Variants in NT5DC1 observed in about 807,000 individuals in gnomAD.
NT5DC1 encodes the protein 5'-nucleotidase domain-containing protein 1.
NT5DC1 carries 42 observed loss-of-function variants against 59.4 expected under a neutral mutation model. The observed-to-expected ratio is 0.71, with a 90% CI of 0.55 to 0.92. NT5DC1 has a LOEUF of 0.92. Ranked by LOEUF, NT5DC1 falls within the 40% of genes least tolerant of loss-of-function variation. NT5DC1 has a pLI of 0.00. For missense variants in NT5DC1, 501 were observed against 537.1 expected (o/e 0.93, Z 0.66); for synonymous variants, 172 against 188.1 (o/e 0.91, Z 0.70).
intron 6 of NT5DC1, among the ~76,000 whole-genome samples, chr6:116,168,907 C>T (rs762873798): frequency 2.0e-5 from 3 of 152,084 alleles, no homozygotes; most frequent in Non-Finnish European, 2.9e-5. Context: ...TGCTTCAGGC[C>T]ATTGAGAGCT....
At chr6:116,112,642 T>C (rs1375624216) in intron 4 of NT5DC1, among the ~76,000 whole-genome samples, 1 of 152,246 alleles carries the variant, frequency 6.6e-6, no homozygotes, top group Non-Finnish European at 1.5e-5. Context: ...TATCGTGATA[T>C]ATTTAATCAG....
At chr6:116,174,667 A>C (rs1780691976) in intron 6 of NT5DC1, among the ~76,000 whole-genome samples, 1 of 152,226 alleles carries the variant, frequency 6.6e-6, no homozygotes, top group Non-Finnish European at 1.5e-5. Context: ...TTTTAAAGAC[A>C]TCTTCGATTT....
chr6:116,140,994 T>C (rs937114519), intron 6 of NT5DC1, among the ~76,000 whole-genome samples: 8 of 152,170 alleles, frequency 5.3e-5, no homozygotes, highest in Admixed American at 1.3e-4. Context: ...GTATATTAAC[T>C]ATGTATATTT....
chr6:116,169,944 A>G (rs148617443), intron 6 of NT5DC1, among the ~76,000 whole-genome samples: 1 of 152,324 alleles, frequency 6.6e-6, no homozygotes, highest in African/African-American at 2.4e-5. Context: ...AACAACAGAA[A>G]TAGGGGAGAG....
chr6:116,218,464 C>T (rs938752065), intron 6 of NT5DC1, among the ~76,000 whole-genome samples: 6 of 152,126 alleles, frequency 3.9e-5, no homozygotes, highest in Non-Finnish European at 7.4e-5. Flanking sequence ...AATAATCTCA[C>T]ATCTGACTCC....
At chr6:116,242,968 G>A (rs2114567405) in intron 11 of NT5DC1, among the ~76,000 whole-genome samples, 1 of 152,256 alleles carries the variant, frequency 6.6e-6, no homozygotes, top group East Asian at 1.9e-4. Flanking sequence ...AAAAGCTGAG[G>A]CTTAGTGTTA....
At chr6:116,166,915 G>A (rs1780481848) in intron 6 of NT5DC1, among the ~76,000 whole-genome samples, 1 of 152,100 alleles carries the variant, frequency 6.6e-6, no homozygotes, top group Non-Finnish European at 1.5e-5. Context: ...TTGAGCCAAA[G>A]AATTGAGCCA....
chr6:116,207,452 A>G (rs1344362997), intron 6 of NT5DC1, among the ~76,000 whole-genome samples: 4 of 151,914 alleles, frequency 2.6e-5, no homozygotes, highest in Non-Finnish European at 4.4e-5. Context: ...TAAGTTTATA[A>G]CCTTATTTTT....
At chr6:116,108,159 A>G (rs1778803203) in intron 2 of NT5DC1, among the ~76,000 whole-genome samples, 1 of 152,180 alleles carries the variant, frequency 6.6e-6, no homozygotes, top group Non-Finnish European at 1.5e-5. Flanking sequence ...TTGTTTACCT[A>G]TATAACAATT....
intron 6 of NT5DC1, chr6:116,125,705 A>T (rs1779281551): frequency 4.5e-6 from 2 of 441,702 alleles, no homozygotes; most frequent in Non-Finnish European, 8.1e-6. Flanking sequence ...TGGAAGCTAT[A>T]CTCAGGTAAT....
chr6:116,196,460 A>G (rs1030631661), intron 6 of NT5DC1, among the ~76,000 whole-genome samples: 28 of 152,028 alleles, frequency 1.8e-4, no homozygotes, highest in African/African-American at 6.5e-4. Flanking sequence ...ATCAACCATT[A>G]TTAGTGATTA....
intron 6 of NT5DC1, chr6:116,118,190 G>A (rs1400376651): frequency 2.1e-6 from 1 of 469,508 alleles, no homozygotes; most frequent in Non-Finnish European, 3.8e-6. Context: ...CCTGCCACGA[G>A]GGTCATTCTG....
chr6:116,234,385 G>T (rs1582886090), intron 8 of NT5DC1, among the ~76,000 whole-genome samples: 1 of 152,260 alleles, frequency 6.6e-6, no homozygotes, highest in South Asian at 2.1e-4. Flanking sequence ...CTGTCACCCA[G>T]TGGGGAGTGT....
intron 6 of NT5DC1, among the ~76,000 whole-genome samples, chr6:116,178,088 T>TGTGTGTGCGCGC (rs1491426656): frequency 2.0e-5 from 2 of 99,622 alleles, no homozygotes; most frequent in African/African-American, 9.3e-5. Flanking sequence ...TGTGTGTGTG[T>TGTGTGTGCGCGC]GCGCGCGCGC....
chr6:116,177,408 CTAAA>C (rs1416053185), intron 6 of NT5DC1, among the ~76,000 whole-genome samples: 1 of 152,130 alleles, frequency 6.6e-6, no homozygotes, highest in Non-Finnish European at 1.5e-5. Context: ...ACTCACCACT[CTAAA>C]TATTAGAAAT....
intron 2 of NT5DC1, among the ~76,000 whole-genome samples, chr6:116,107,006 C>T (rs1406632927): frequency 1.3e-5 from 2 of 151,900 alleles, no homozygotes; most frequent in African/African-American, 4.8e-5. Context: ...GCCTGGGCAA[C>T]ATGACGAAAC....
At chr6:116,123,249 T>G (rs1431248320) in intron 6 of NT5DC1, among the ~76,000 whole-genome samples, 1 of 152,150 alleles carries the variant, frequency 6.6e-6, no homozygotes, top group Non-Finnish European at 1.5e-5. Flanking sequence ...CATCCGAGAC[T>G]GGAACTCCAG....
In NT5DC1 at chr6:116,124,688, G is replaced by A. The variant is rs1021577751; in HGVS notation, c.529+6743G>A. On this transcript the variant is annotated intron_variant, in intron 6 of 11. Coordinates refer to ENST00000319550, the MANE Select transcript of NT5DC1 (RefSeq NM_152729.3). ...CTTATTTTACAAATGAGGAAACTAA[G>A]GCATGGGAGGACAAGTAACTTACCT... 7.9e-5 allele frequency among the ~76,000 whole-genome samples: 12 copies of A among 152,252 alleles called. No homozygotes were observed. In the South Asian group the frequency reaches 2.1e-3, roughly 26 times the overall value.
chr6:116,145,670 G>A (rs1779881036), intron 6 of NT5DC1, among the ~76,000 whole-genome samples: 1 of 151,970 alleles, frequency 6.6e-6, no homozygotes, highest in South Asian at 2.1e-4. Flanking sequence ...TATCCCCAGT[G>A]ATCTGAAAAT....
Sources: allele counts gnomAD v4.1 joint callset (sites outside exome capture counted in the v4.1 genomes callset), GRCh38; gene constraint gnomAD v4.1.1; transcripts MANE v1.5; gene names NCBI Gene and HGNC (gene_info 2026-07-23, HGNC 2026-07-21).